GALNT10: variants seen among roughly 807,000 people sequenced by gnomAD.
GALNT10 encodes the protein GalNAc transferase 10.
In GALNT10, 41 loss-of-function variants were observed where a neutral mutation model predicts 75.0. The ratio of observed to expected loss-of-function variants is 0.55; its 90% confidence interval spans 0.43 to 0.71. GALNT10 has a LOEUF of 0.71. Among genes scored for constraint, GALNT10 ranks in the 30% least tolerant of loss-of-function variants. The pLI, the probability that GALNT10 is intolerant of heterozygous loss-of-function variation, is 0.00. For synonymous variants in GALNT10, 302 were observed against 313.0 expected (o/e 0.96, Z 0.37); for missense variants, 727 against 818.5 (o/e 0.89, Z 1.36).
intron 6 of GALNT10, among the ~76,000 whole-genome samples, chr5:154,383,440 T>C (rs2113181765): frequency 6.6e-6 from 1 of 152,320 alleles, no homozygotes; most frequent in African/African-American, 2.4e-5. Flanking sequence ...TATTAGAGCT[T>C]TGTGAGAGCT....
At position 154,412,811 on chromosome 5, in the gene GALNT10, TC is replaced by T; in HGVS notation, c.1387-74del. 1.1e-6 allele frequency: 1 copy of T among 950,052 alleles called. No homozygotes were observed. The highest frequency in any genetic ancestry group is 1.7e-6 in the Non-Finnish European group (1 of 578,910). The allele number at this position is 950,052 out of a possible 1,614,324, so 58.9% of individuals were successfully genotyped here. On this transcript the variant is annotated intron_variant, in intron 9 of 11. Transcript: ENST00000297107. This position sits in a 1 kb window ranked among gnomAD's most constrained non-coding sequence, Gnocchi z 4.2. Reference sequence around the variant, plus strand: ...TCCAGCTAATGTCTCCCACTTGGTTTCCCCTTTCACCTGGCAGGGACCCGGT... The same window carrying T: ...TCCAGCTAATGTCTCCCACTTGGTTTCCCTTTCACCTGGCAGGGACCCGGT...
chr5:154,351,275 G>T (rs1755200945), intron 4 of GALNT10, among the ~76,000 whole-genome samples: 1 of 152,192 alleles, frequency 6.6e-6, no homozygotes, highest in Non-Finnish European at 1.5e-5. Context: ...ACATCTAGTG[G>T]GATGTGAGAC....
chr5:154,380,980 T>A (rs1171705847), intron 6 of GALNT10, among the ~76,000 whole-genome samples: 2 of 152,172 alleles, frequency 1.3e-5, no homozygotes, highest in East Asian at 3.9e-4. Flanking sequence ...CTAAGCACAT[T>A]ACCCTCTGAT....
chr5:154,225,238 A>G (rs1581927335), intron 1 of GALNT10, among the ~76,000 whole-genome samples: 2 of 148,488 alleles, frequency 1.3e-5, no homozygotes, highest in African/African-American at 5.0e-5. Context: ...GACTACAGGC[A>G]CCCGCCACCA....
intron 4 of GALNT10, chr5:154,337,925 A>G (rs1754969068): frequency 8.8e-6 from 13 of 1,483,328 alleles, no homozygotes; most frequent in Non-Finnish European, 1.1e-5. Flanking sequence ...CATTCACAGG[A>G]TGGTATTTCT....
intron 4 of GALNT10, among the ~76,000 whole-genome samples, chr5:154,359,271 G>A (rs758989869): frequency 5.3e-5 from 8 of 152,274 alleles, no homozygotes; most frequent in Non-Finnish European, 1.0e-4. Context: ...GGCTGTGTGA[G>A]TTAAACAAGC....
intron 3 of GALNT10, among the ~76,000 whole-genome samples, chr5:154,316,215 A>C (rs536412083): frequency 6.6e-6 from 1 of 152,212 alleles, no homozygotes; most frequent in African/African-American, 2.4e-5. Flanking sequence ...AACAGCAGAC[A>C]CTGGCTCCTT....
intron 1 of GALNT10, among the ~76,000 whole-genome samples, chr5:154,245,090 G>A (rs1466593784): frequency 2.6e-5 from 4 of 152,180 alleles, no homozygotes. Context: ...AAAGCTCACT[G>A]GGCTGTCAGC....
intron 3 of GALNT10, among the ~76,000 whole-genome samples, chr5:154,325,649 T>C (rs1346577903): frequency 6.8e-6 from 1 of 147,034 alleles, no homozygotes; most frequent in Admixed American, 6.7e-5. Context: ...AAAAAAGCCA[T>C]TTGACAAAAT....
intron 1 of GALNT10, among the ~76,000 whole-genome samples, chr5:154,209,970 C>T (rs1775169845): frequency 6.6e-6 from 1 of 152,102 alleles, no homozygotes; most frequent in Non-Finnish European, 1.5e-5. Context: ...AGCCTCATGT[C>T]TATTCAAGTC....
chr5:154,365,441 T>G (rs1362840146), intron 4 of GALNT10, among the ~76,000 whole-genome samples: 1 of 152,144 alleles, frequency 6.6e-6, no homozygotes, highest in African/African-American at 2.4e-5. Flanking sequence ...ATCTAAGCAA[T>G]CAGTCCAGGA....
chr5:154,227,207 G>C (rs76497631), intron 1 of GALNT10, among the ~76,000 whole-genome samples: 2,761 of 152,280 alleles, frequency 0.018, 63 homozygotes, highest in African/African-American at 0.062. Flanking sequence ...TAAATACCCA[G>C]GAGTAGAATG....
At chr5:154,291,278 G>A (rs1754191069) in intron 1 of GALNT10, among the ~76,000 whole-genome samples, 2 of 152,138 alleles carry the variant, frequency 1.3e-5, no homozygotes, top group African/African-American at 2.4e-5. Flanking sequence ...AGAGGAAATA[G>A]TATCCTTCAT....
intron 2 of GALNT10, among the ~76,000 whole-genome samples, chr5:154,297,273 C>A (rs1423968021): frequency 6.6e-6 from 1 of 152,204 alleles, no homozygotes; most frequent in Non-Finnish European, 1.5e-5. Context: ...ACTTTTCAGG[C>A]ACTCCTGGTT....
At chr5:154,216,099 T>C (rs1211395412) in intron 1 of GALNT10, among the ~76,000 whole-genome samples, 1 of 152,156 alleles carries the variant, frequency 6.6e-6, no homozygotes, top group African/African-American at 2.4e-5. Context: ...CAAGATGTTA[T>C]GGTGAGGGAG....
intron 4 of GALNT10, chr5:154,356,218 G>A (rs1348413862): frequency 2.2e-6 from 1 of 456,278 alleles, no homozygotes. Context: ...ACGCAGCTCT[G>A]GGATGATGCC....
intron 1 of GALNT10, among the ~76,000 whole-genome samples, chr5:154,241,773 T>C (rs1027585513): frequency 1.3e-5 from 2 of 152,256 alleles, no homozygotes; most frequent in Non-Finnish European, 2.9e-5. Context: ...TTCCAGTTTT[T>C]CATTATTATA....
At chr5:154,307,699 G>C (rs1430681051) in intron 3 of GALNT10, among the ~76,000 whole-genome samples, 1 of 151,102 alleles carries the variant, frequency 6.6e-6, no homozygotes, top group African/African-American at 2.4e-5. Flanking sequence ...CCAACTCACT[G>C]TAAAACCAGC....
intron 1 of GALNT10, among the ~76,000 whole-genome samples, chr5:154,227,208 G>A (rs1334763444): frequency 6.6e-6 from 1 of 152,166 alleles, no homozygotes; most frequent in African/African-American, 2.4e-5. Flanking sequence ...AAATACCCAG[G>A]AGTAGAATGG....
Sources: allele counts gnomAD v4.1 joint callset (sites outside exome capture counted in the v4.1 genomes callset), GRCh38; gene constraint gnomAD v4.1.1; non-coding constraint Gnocchi (gnomAD v3.1); transcripts MANE v1.5; gene names NCBI Gene and HGNC (gene_info 2026-07-23, HGNC 2026-07-21).